DOCK9: variants seen among roughly 807,000 people sequenced by gnomAD.
DOCK9 encodes dedicator of cytokinesis protein 9.
Under a neutral mutation model 263.3 loss-of-function variants are expected in DOCK9, and 89 were observed. The observed-to-expected ratio is 0.34, with a 90% CI of 0.28 to 0.40. The LOEUF (loss-of-function observed/expected upper bound fraction) is 0.40. Among genes scored for constraint, DOCK9 ranks in the 10% least tolerant of loss-of-function variants. The pLI, the probability that DOCK9 is intolerant of heterozygous loss-of-function variation, is 1.00. For synonymous variants in DOCK9, 976 were observed against 973.1 expected (o/e 1.00, Z -0.06); for missense variants, 2,140 against 2,603.4 (o/e 0.82, Z 3.87).
intron 1 of DOCK9, among the ~76,000 whole-genome samples, chr13:99,064,434 G>C (rs1023671883): frequency 2.0e-5 from 3 of 152,114 alleles, no homozygotes; most frequent in Non-Finnish European, 4.4e-5. Flanking sequence ...GGAAAACTGA[G>C]AACAGTTTTC....
intron 1 of DOCK9, among the ~76,000 whole-genome samples, chr13:98,984,405 G>A (rs1183757165): frequency 2.6e-5 from 4 of 152,116 alleles, no homozygotes; most frequent in Non-Finnish European, 5.9e-5. Context: ...TGGACAACTC[G>A]AATTCAATAG....
At chr13:98,859,734 T>TGTGC (rs1401677028) in intron 33 of DOCK9, 14 of 97,090 alleles carry the variant, frequency 1.4e-4, no homozygotes, top group African/African-American at 5.3e-4. Context: ...TGTGTTTGTG[T>TGTGC]GTGTGTGTGT....
chr13:98,969,196 C>G (rs1205048782), intron 1 of DOCK9, among the ~76,000 whole-genome samples: 1 of 152,166 alleles, frequency 6.6e-6, no homozygotes, highest in Non-Finnish European at 1.5e-5. Context: ...TAATAGAGAT[C>G]AAAATCACAG....
intron 1 of DOCK9, among the ~76,000 whole-genome samples, chr13:98,998,542 GA>G (rs1881575186): frequency 6.6e-6 from 1 of 152,162 alleles, no homozygotes; most frequent in South Asian, 2.1e-4. Flanking sequence ...TCCGAACCAA[GA>G]GACTTGGTGA....
chr13:98,863,064 C>A lies in DOCK9; in HGVS notation c.3534G>T (p.Arg1178=), dbSNP rs975069475. The A allele has an allele frequency of 6.2e-7, 1 of 1,611,520 alleles. No individual in the cohort carries two copies. Among genetic ancestry groups the A allele is most frequent in the African/African-American group, 1.3e-5 (1 of 74,886 alleles). The part of the protein sequence containing the change: ...LFGLLIENVQ[R]INVRDVSPFP... ...AGGGTGACACATCCCTCACATTGATCCGCTGGACGTTTTCAATCAGCAGAC... is the reference window on the plus strand; with the variant it reads ...AGGGTGACACATCCCTCACATTGATACGCTGGACGTTTTCAATCAGCAGAC... Residue 1178 remains arginine, a synonymous_variant, in exon 32 of 53, where the codon CGG becomes CGT. Transcript: ENST00000682017.
intron 1 of DOCK9, among the ~76,000 whole-genome samples, chr13:99,026,887 CA>C (rs1886793674): frequency 6.6e-6 from 1 of 151,732 alleles, no homozygotes; most frequent in South Asian, 2.1e-4. Flanking sequence ...ATAAAGAGCA[CA>C]GTGCAGAGTA....
chr13:99,058,065 T>C (rs1041309918), intron 1 of DOCK9, among the ~76,000 whole-genome samples: 1 of 151,870 alleles, frequency 6.6e-6, no homozygotes, highest in Non-Finnish European at 1.5e-5. Flanking sequence ...AAACTGTACA[T>C]GACCAACAAA....
At chr13:98,944,657 C>T (rs905808705) in intron 2 of DOCK9, among the ~76,000 whole-genome samples, 1 of 152,132 alleles carries the variant, frequency 6.6e-6, no homozygotes, top group Non-Finnish European at 1.5e-5. Flanking sequence ...GCCCACACAC[C>T]CTCCCCTGCC....
intron 1 of DOCK9, among the ~76,000 whole-genome samples, chr13:98,999,312 A>ACTCTCT (rs1317087020): frequency 1.9e-4 from 21 of 110,240 alleles, no homozygotes; most frequent in Middle Eastern, 6.0e-3. Flanking sequence ...ACACACACAC[A>ACTCTCT]CACACTCTCT....
chr13:98,853,426 A>C lies in DOCK9; in HGVS notation c.3928T>G (p.Leu1310Val). 6.2e-7 allele frequency: 1 copy of C among 1,609,088 alleles called. No individual in the cohort carries two copies. Among genetic ancestry groups the C allele is most frequent in the Non-Finnish European group, 8.5e-7 (1 of 1,177,668 alleles). Reference sequence around the variant, plus strand: ...AACCTACCATCAGACATGCTCTTTAAGATGTAGAGGAAACACATCAGTAGG... The same window carrying C: ...AACCTACCATCAGACATGCTCTTTACGATGTAGAGGAAACACATCAGTAGG... Reference protein sequence around the residue: ...KSLLMCFLYILKSMSDDALFT... With the variant: ...KSLLMCFLYIVKSMSDDALFT... The change falls in exon 35 of 53, where the codon TTA becomes GTA. Residue 1310 changes from leucine (L) to valine (V), a missense_variant. Leu to Val is a conservative substitution (Grantham distance 32). Around this residue, in one of 2 missense-constraint regions of DOCK9, gnomAD observed 1,521 missense variants for 1,741.7 expected, o/e 0.87. Transcript: ENST00000682017.
chr13:98,888,334 A>T, intron 17 of DOCK9, 26 bp downstream of exon 17: 1 of 1,608,688 alleles, frequency 6.2e-7, no homozygotes, highest in Non-Finnish European at 8.5e-7. Flanking sequence ...TGACATCAAG[A>T]ATGAAACCTC....
intron 35 of DOCK9, among the ~76,000 whole-genome samples, chr13:98,852,186 C>A (rs1346086821): frequency 6.6e-6 from 1 of 152,124 alleles, no homozygotes; most frequent in Admixed American, 6.5e-5. Flanking sequence ...TACCATGAAG[C>A]AAAGTTTAGA....
At chr13:99,079,951 A>G (rs2042062621) in intron 1 of DOCK9, among the ~76,000 whole-genome samples, 1 of 152,168 alleles carries the variant, frequency 6.6e-6, no homozygotes, top group Admixed American at 6.5e-5. Context: ...GAAGCAGGAG[A>G]ATCACTTGAG....
At chr13:99,026,527 A>T (rs1447118920) in intron 1 of DOCK9, among the ~76,000 whole-genome samples, 1 of 152,256 alleles carries the variant, frequency 6.6e-6, no homozygotes, top group Non-Finnish European at 1.5e-5. Context: ...CTGCTTTAAA[A>T]TTAAAGAGCA....
chr13:99,075,170 C>A (rs1237236457), intron 1 of DOCK9, among the ~76,000 whole-genome samples: 1 of 152,086 alleles, frequency 6.6e-6, no homozygotes, highest in Admixed American at 6.5e-5. Flanking sequence ...AGTATCTACA[C>A]ATTATTTTAT....
chr13:98,823,655 C>A (rs897681568), intron 45 of DOCK9, among the ~76,000 whole-genome samples: 6 of 152,138 alleles, frequency 3.9e-5, no homozygotes, highest in African/African-American at 1.4e-4. Context: ...CACAAAGAAC[C>A]CTTCAGGCAG....
At chr13:98,947,128 T>C (rs1364180803) in intron 2 of DOCK9, among the ~76,000 whole-genome samples, 1 of 152,202 alleles carries the variant, frequency 6.6e-6, no homozygotes, top group African/African-American at 2.4e-5. Flanking sequence ...AACTCTCAAA[T>C]AATACTGCCA....
intron 46 of DOCK9, 139 bp from the exon 47 acceptor site, chr13:98,809,604 T>G: frequency 1.5e-6 from 1 of 685,414 alleles, no homozygotes; most frequent in Non-Finnish European, 2.4e-6. Flanking sequence ...CTGCACAACT[T>G]GTAGTGATCA....
At chr13:98,929,827 C>A (rs187511608) in intron 3 of DOCK9, among the ~76,000 whole-genome samples, 1 of 152,044 alleles carries the variant, frequency 6.6e-6, no homozygotes, top group Non-Finnish European at 1.5e-5. Flanking sequence ...GTATCAATAA[C>A]AAGACCTCCC....
Sources: gnomAD v4.1 joint callset for allele counts (sites outside exome capture counted in the v4.1 genomes callset) on GRCh38, gnomAD v4.1.1 for gene constraint, gnomAD v4.1.1 regional missense constraint, MANE v1.5 for transcripts, NCBI Gene and HGNC (gene_info 2026-07-23, HGNC 2026-07-21) for gene names.